CNTNAP2: variants seen among roughly 807,000 people sequenced by gnomAD.
CNTNAP2 encodes contactin-associated protein-like 2.
CNTNAP2 carries 98 observed loss-of-function variants against 155.2 expected under a neutral mutation model. That is an observed-to-expected ratio of 0.63 (90% CI 0.54 to 0.75). CNTNAP2 has a LOEUF of 0.75. Ranked by LOEUF, CNTNAP2 falls within the 30% of genes least tolerant of loss-of-function variation. CNTNAP2 has a pLI of 0.00. For synonymous variants in CNTNAP2, 651 were observed against 631.2 expected (o/e 1.03, Z -0.47); for missense variants, 1,727 against 1,688.1 (o/e 1.02, Z -0.40).
chr7:147,445,825 T>C (rs2116558361), intron 10 of CNTNAP2, among the ~76,000 whole-genome samples: 1 of 152,180 alleles, frequency 6.6e-6, no homozygotes, highest in Non-Finnish European at 1.5e-5. Flanking sequence ...GACGGGGTCT[T>C]GCTCTGTCAC....
At chr7:148,331,664 T>TGGATGGAATGGACGGATGGAGTGGAC (rs1798017730) in intron 21 of CNTNAP2, among the ~76,000 whole-genome samples, 1 of 146,156 alleles carries the variant, frequency 6.8e-6, no homozygotes, top group Non-Finnish European at 1.5e-5. Flanking sequence ...ATGGAGTGGA[T>TGGATGGAATGGACGGATGGAGTGGAC]GGATGGAGTG....
rs760427250 is a variant in CNTNAP2 at position 147,562,276 on chromosome 7, T to C, written c.1897+19T>C. 1 of 1,613,552 alleles carries C rather than the reference T, an allele frequency of 6.2e-7. No individual in the cohort carries two copies. Among genetic ancestry groups the C allele is most frequent in the Admixed American group, 1.7e-5 (1 of 60,030 alleles). Reference sequence around the variant, plus strand: ...ATGACAGGTAACTGTGTCATATTTATGTTTTATGAAGATGCTTTTCTATAT... The same window carrying C: ...ATGACAGGTAACTGTGTCATATTTACGTTTTATGAAGATGCTTTTCTATAT... On this transcript the variant is annotated intron_variant, in intron 12 of 23. Transcript: ENST00000361727.
chr7:146,333,685 G>A (rs1016156363), intron 1 of CNTNAP2, among the ~76,000 whole-genome samples: 1 of 152,104 alleles, frequency 6.6e-6, no homozygotes, highest in African/African-American at 2.4e-5. Flanking sequence ...ATTCCTAAAG[G>A]TGTCATGGCT....
chr7:147,506,873 AG>A (rs1489687469), intron 11 of CNTNAP2, among the ~76,000 whole-genome samples: 25 of 152,180 alleles, frequency 1.6e-4, no homozygotes, highest in African/African-American at 5.8e-4. Context: ...ATATTTTAAA[AG>A]GTCTGGGGTT....
intron 5 of CNTNAP2, among the ~76,000 whole-genome samples, chr7:147,115,415 C>T (rs1800965448): frequency 1.3e-5 from 2 of 152,186 alleles, no homozygotes; most frequent in Admixed American, 1.3e-4. Flanking sequence ...AGTATGTTTT[C>T]CAACTTGATT....
At chr7:146,267,433 A>G (rs767949503) in intron 1 of CNTNAP2, among the ~76,000 whole-genome samples, 3 of 152,174 alleles carry the variant, frequency 2.0e-5, no homozygotes, top group Non-Finnish European at 2.9e-5. Context: ...TAGATCCTAG[A>G]TATTATAAAA....
At chr7:146,599,039 T>C (rs1336079334) in intron 1 of CNTNAP2, among the ~76,000 whole-genome samples, 3 of 152,090 alleles carry the variant, frequency 2.0e-5, no homozygotes, top group South Asian at 2.1e-4. Flanking sequence ...GTCATTTTTT[T>C]CCCTTCACTC....
intron 3 of CNTNAP2, among the ~76,000 whole-genome samples, chr7:146,888,252 T>G (rs1488183639): frequency 2.6e-5 from 4 of 152,008 alleles, no homozygotes; most frequent in Non-Finnish European, 5.9e-5. Flanking sequence ...CAGAACCTGA[T>G]GATATCTGAA....
chr7:146,886,275 T>TA (rs776073033), intron 3 of CNTNAP2, among the ~76,000 whole-genome samples: 50,478 of 141,912 alleles, frequency 0.36, 10,530 homozygotes, highest in East Asian at 0.58. Context: ...TCAGTTTTCT[T>TA]AAAAAAAAAA....
intron 8 of CNTNAP2, among the ~76,000 whole-genome samples, chr7:147,180,263 A>G (rs565550080): frequency 1.3e-5 from 2 of 152,262 alleles, no homozygotes; most frequent in South Asian, 2.1e-4. Flanking sequence ...AGCCCTAGAG[A>G]TTTTTATTAT....
intron 10 of CNTNAP2, among the ~76,000 whole-genome samples, chr7:147,448,482 G>GTA (rs10635826): frequency 0.21 from 21,553 of 102,720 alleles, 1,702 homozygotes; most frequent in African/African-American, 0.24. Flanking sequence ...ATGTGTGTGT[G>GTA]TGTATATATA....
chr7:147,314,264 G>A lies in CNTNAP2; in HGVS notation c.1498+13974G>A, dbSNP rs189287668. Among the ~76,000 whole-genome samples, 28 of 152,190 alleles carry A rather than the reference G, an allele frequency of 1.8e-4. No individual in the cohort carries two copies. The East Asian group carries it at 4.6e-3, about 25-fold the overall frequency. The stretch of plus-strand genomic sequence containing the variant: ...GTATAATGTGTGGGATTGAGGGTCC[G>A]GGAATTTAGGCCAAAGACTTTCCTA... On this transcript the variant is annotated intron_variant, in intron 9 of 23. Coordinates refer to ENST00000361727, the MANE Select transcript of CNTNAP2 (RefSeq NM_014141.6).
chr7:146,735,768 A>C (rs945321781), intron 1 of CNTNAP2, among the ~76,000 whole-genome samples: 2 of 138,578 alleles, frequency 1.4e-5, no homozygotes, highest in Admixed American at 1.4e-4. Flanking sequence ...AGTAGAGGGT[A>C]ATAGGGAGAG....
chr7:146,245,419 T>C (rs1799629611), intron 1 of CNTNAP2, among the ~76,000 whole-genome samples: 1 of 152,180 alleles, frequency 6.6e-6, no homozygotes, highest in South Asian at 2.1e-4. Context: ...AAGTTGAGCA[T>C]AGTTTGTGAT....
chr7:147,094,341 AC>A (rs1183437052), intron 4 of CNTNAP2, among the ~76,000 whole-genome samples: 1 of 151,354 alleles, frequency 6.6e-6, no homozygotes, highest in Non-Finnish European at 1.5e-5. Flanking sequence ...TTAAGTCCTC[AC>A]CAGAATTACC....
chr7:147,680,622 T>C (rs1244571441), intron 13 of CNTNAP2, among the ~76,000 whole-genome samples: 1 of 151,866 alleles, frequency 6.6e-6, no homozygotes, highest in Non-Finnish European at 1.5e-5. Flanking sequence ...AGTATTTCAA[T>C]ACCTGAACTG....
chr7:147,881,465 C>A (rs1799518795), intron 13 of CNTNAP2, among the ~76,000 whole-genome samples: 2 of 152,094 alleles, frequency 1.3e-5, no homozygotes, highest in Non-Finnish European at 2.9e-5. Context: ...TTGTTATGAA[C>A]CTTTGTAGCT....
chr7:147,469,800 G>C (rs1023459064), intron 10 of CNTNAP2, among the ~76,000 whole-genome samples: 3 of 152,060 alleles, frequency 2.0e-5, no homozygotes, highest in Non-Finnish European at 4.4e-5. Flanking sequence ...TTACAGGCGT[G>C]AGCCACTGAG....
intron 3 of CNTNAP2, among the ~76,000 whole-genome samples, chr7:146,958,431 T>TG (rs1563020817): frequency 3.8e-4 from 46 of 121,946 alleles, no homozygotes; most frequent in African/African-American, 1.3e-3. Context: ...TTTTTTTTTT[T>TG]GAGACGGAGT....
Sources: allele counts gnomAD v4.1 joint callset (sites outside exome capture counted in the v4.1 genomes callset), GRCh38; gene constraint gnomAD v4.1.1; transcripts MANE v1.5; gene names NCBI Gene and HGNC (gene_info 2026-07-23, HGNC 2026-07-21).